The following RPS6KA2 variants were observed in gnomAD, a reference collection of about 807,000 sequenced individuals.
RPS6KA2 encodes ribosomal protein S6 kinase A2.
Under a neutral mutation model 91.8 loss-of-function variants are expected in RPS6KA2, and 42 were observed. The observed-to-expected ratio is 0.46, with a 90% CI of 0.36 to 0.59. The LOEUF (loss-of-function observed/expected upper bound fraction) is 0.59, where lower values mean the gene tolerates loss of function less well. Ranked by LOEUF, RPS6KA2 falls within the 20% of genes least tolerant of loss-of-function variation. The pLI is 0.00. For synonymous variants in RPS6KA2, 414 were observed against 393.6 expected (o/e 1.05, Z -0.61); for missense variants, 798 against 978.5 (o/e 0.82, Z 2.46).
Position 166,666,933 on chromosome 6 carries a change from C to T in RPS6KA2, c.124-128149G>A, listed in dbSNP as rs993459368. Among the ~76,000 whole-genome samples, 3 of 152,098 alleles carry T rather than the reference C, an allele frequency of 2.0e-5. No individual in the cohort carries two copies. The highest frequency in any genetic ancestry group is 4.8e-5 in the African/African-American group (2 of 41,398). ...GTAGGCACACAATGGAAGGAAATGA[C>T]GACGCACGTTGCAATGTGGATGAAC... On this transcript the variant is annotated intron_variant, in intron 2 of 21. Coordinates refer to the RPS6KA2 transcript ENST00000503859. The surrounding 1 kb of genome is among the most constrained non-coding windows in gnomAD (Gnocchi z 4.0).
At chr6:166,507,376 A>G (rs1782268805) in intron 5 of RPS6KA2, among the ~76,000 whole-genome samples, 1 of 150,768 alleles carries the variant, frequency 6.6e-6, no homozygotes, top group African/African-American at 2.4e-5. Flanking sequence ...CAACACACAC[A>G]CACACACACA....
chr6:166,539,718 T>A (rs558763625), intron 1 of RPS6KA2, among the ~76,000 whole-genome samples: 4 of 152,208 alleles, frequency 2.6e-5, no homozygotes, highest in African/African-American at 9.6e-5. Flanking sequence ...GTCCCCAGAG[T>A]CACATGACTT....
At position 166,432,506 on chromosome 6, in the gene RPS6KA2, C is replaced by A; in HGVS notation, c.1333-16G>T. On this transcript the variant is annotated splice_polypyrimidine_tract_variant and intron_variant, in intron 14 of 20. Coordinates refer to ENST00000265678, the MANE Select transcript of RPS6KA2 (RefSeq NM_021135.6). The stretch of plus-strand genomic sequence containing the variant: ...TATCAATGATCTGGAACAAACACAG[C>A]ACATGGCAGTGAGGGGTCTACTTTA... 1.3e-6 allele frequency: 2 copies of A among 1,547,978 alleles called. No individual in the cohort carries two copies. The highest frequency in any genetic ancestry group is 1.1e-5 in the South Asian group (1 of 89,458).
At chr6:166,633,729 T>C (rs1392213641) in intron 2 of RPS6KA2, among the ~76,000 whole-genome samples, 1 of 152,238 alleles carries the variant, frequency 6.6e-6, no homozygotes, top group Non-Finnish European at 1.5e-5. Flanking sequence ...AATTATAGGA[T>C]GGAAGAATTA....
intron 2 of RPS6KA2, among the ~76,000 whole-genome samples, chr6:166,751,832 G>A (rs935260507): frequency 6.6e-6 from 1 of 152,040 alleles, no homozygotes; most frequent in East Asian, 2.0e-4. Flanking sequence ...TCTTCATGAC[G>A]ATTCAAGGTC....
intron 2 of RPS6KA2, chr6:166,702,571 G>A (rs1789557835): frequency 1.4e-6 from 2 of 1,456,956 alleles, no homozygotes; most frequent in South Asian, 2.3e-5. Flanking sequence ...CTGTAAGTGA[G>A]GAGGGATATT....
chr6:166,501,054 C>T, intron 6 of RPS6KA2, 130 bp from the exon 7 acceptor site: 1 of 737,066 alleles, frequency 1.4e-6, no homozygotes, highest in Non-Finnish European at 2.3e-6. Flanking sequence ...TGGAGCTGGC[C>T]CAGGAGATCC....
At chr6:166,597,057 G>A (rs552931901) in intron 1 of RPS6KA2, among the ~76,000 whole-genome samples, 12 of 152,306 alleles carry the variant, frequency 7.9e-5, no homozygotes, top group Admixed American at 3.9e-4. Flanking sequence ...GAAAGGACAC[G>A]GGGAGGGGCC....
At chr6:166,547,540 C>G (rs546798358) in intron 1 of RPS6KA2, among the ~76,000 whole-genome samples, 2 of 152,292 alleles carry the variant, frequency 1.3e-5, no homozygotes, top group Admixed American at 1.3e-4. Flanking sequence ...GGCTGCAGAT[C>G]AGGATGAATT....
At chr6:166,520,547 C>G (rs919827666) in intron 3 of RPS6KA2, among the ~76,000 whole-genome samples, 28 of 152,204 alleles carry the variant, frequency 1.8e-4, no homozygotes, top group African/African-American at 6.5e-4. Flanking sequence ...TTGTGTTACT[C>G]TGGAAAATCC....
intron 2 of RPS6KA2, among the ~76,000 whole-genome samples, chr6:166,694,318 C>T (rs904931799): frequency 1.3e-5 from 2 of 152,218 alleles, no homozygotes; most frequent in Admixed American, 6.5e-5. Context: ...GGCACTTCTC[C>T]TCCTTTAGGT....
At chr6:166,761,827 A>G (rs1778179770) in intron 2 of RPS6KA2, among the ~76,000 whole-genome samples, 1 of 152,130 alleles carries the variant, frequency 6.6e-6, no homozygotes, top group East Asian at 1.9e-4. Context: ...CCCCATTGGG[A>G]ATGGAGTGGA....
chr6:166,521,363 G>A (rs899144553), intron 3 of RPS6KA2, among the ~76,000 whole-genome samples: 2 of 152,224 alleles, frequency 1.3e-5, no homozygotes, highest in Non-Finnish European at 1.5e-5. Flanking sequence ...CCGCCAACTC[G>A]TTATGTCCAA....
intron 10 of RPS6KA2, among the ~76,000 whole-genome samples, chr6:166,483,416 C>T (rs1781301817): frequency 6.6e-6 from 1 of 152,216 alleles, no homozygotes; most frequent in African/African-American, 2.4e-5. Flanking sequence ...CCTGCTGCCA[C>T]ACCAACACCA....
intron 13 of RPS6KA2, among the ~76,000 whole-genome samples, chr6:166,450,398 G>GATCACGACAGGGACCACCACAGGAT (rs1779856337): frequency 9.0e-6 from 1 of 111,614 alleles, no homozygotes; most frequent in Non-Finnish European, 2.0e-5. Flanking sequence ...CACCACAGGA[G>GATCACGACAGGGACCACCACAGGAT]ATCACCACAG....
At chr6:166,689,547 A>T (rs748938067) in intron 2 of RPS6KA2, among the ~76,000 whole-genome samples, 1 of 152,172 alleles carries the variant, frequency 6.6e-6, no homozygotes, top group Non-Finnish European at 1.5e-5. Context: ...GGGATCCTGG[A>T]ATCTGCTTCT....
intron 11 of RPS6KA2, among the ~76,000 whole-genome samples, chr6:166,466,275 G>A (rs1204192267): frequency 6.6e-6 from 1 of 152,222 alleles, no homozygotes; most frequent in Admixed American, 6.5e-5. Context: ...CAGGAAAAAG[G>A]CGGCTTCTGC....
chr6:166,839,568 C>T (rs1012828170), intron 2 of RPS6KA2, among the ~76,000 whole-genome samples: 11 of 149,380 alleles, frequency 7.4e-5, no homozygotes, highest in Admixed American at 2.0e-4. Context: ...GAAATGGACT[C>T]GCTTCTTGTT....
chr6:166,728,379 C>T (rs1382699714), intron 2 of RPS6KA2, among the ~76,000 whole-genome samples: 1 of 152,154 alleles, frequency 6.6e-6, no homozygotes, highest in East Asian at 1.9e-4. Flanking sequence ...CCCGGGGTCT[C>T]GTGAGCTTCC....
Sources: allele counts gnomAD v4.1 joint callset (sites outside exome capture counted in the v4.1 genomes callset), GRCh38; gene constraint gnomAD v4.1.1; non-coding constraint Gnocchi (gnomAD v3.1); transcripts MANE v1.5; gene names NCBI Gene and HGNC (gene_info 2026-07-23, HGNC 2026-07-21).